Variants in CCSER1 observed in about 807,000 individuals in gnomAD.
The protein encoded by CCSER1 is coiled-coil serine rich protein 1, also known as serine-rich coiled-coil domain-containing protein 1.
Under a neutral mutation model 82.0 loss-of-function variants are expected in CCSER1, and 41 were observed. The ratio of observed to expected loss-of-function variants is 0.50; its 90% CI spans 0.39 to 0.65. CCSER1 has a LOEUF of 0.65. Ranked by LOEUF, CCSER1 falls within the 30% of genes least tolerant of loss-of-function variation. CCSER1 has a pLI of 0.00. For missense variants in CCSER1, 1,119 were observed against 1,064.2 expected, an observed-to-expected ratio of 1.05 and a Z score of -0.72; for synonymous variants, 414 against 383.9, an observed-to-expected ratio of 1.08 and a Z score of -0.92.
intron 9 of CCSER1, among the ~76,000 whole-genome samples, chr4:91,060,998 A>C (rs1743903072): frequency 1.3e-5 from 2 of 152,080 alleles, no homozygotes; most frequent in South Asian, 4.1e-4. Context: ...CTTCTACACA[A>C]AAAATAATAC....
chr4:91,323,519 G>A (rs886186271), intron 10 of CCSER1, among the ~76,000 whole-genome samples: 2 of 152,024 alleles, frequency 1.3e-5, no homozygotes, highest in East Asian at 3.9e-4. Context: ...TGTACATAAT[G>A]ACATAAATAG....
intron 5 of CCSER1, among the ~76,000 whole-genome samples, chr4:90,521,419 C>A (rs1773115841): frequency 6.6e-6 from 1 of 152,072 alleles, no homozygotes; most frequent in African/African-American, 2.4e-5. Flanking sequence ...GGGAATTTGG[C>A]ACAATTCATG....
intron 1 of CCSER1, among the ~76,000 whole-genome samples, chr4:90,299,339 A>G (rs1454558520): frequency 6.6e-6 from 1 of 152,134 alleles, no homozygotes; most frequent in East Asian, 1.9e-4. Context: ...TGACCCAAAG[A>G]CTGACATTTC....
At chr4:90,557,314 T>G (rs1778256994) in intron 5 of CCSER1, among the ~76,000 whole-genome samples, 1 of 152,070 alleles carries the variant, frequency 6.6e-6, no homozygotes, top group Non-Finnish European at 1.5e-5. Flanking sequence ...ACAGCAAAGA[T>G]TTTTGTAAAT....
intron 7 of CCSER1, among the ~76,000 whole-genome samples, chr4:90,751,576 A>G (rs1192219655): frequency 1.3e-5 from 2 of 152,148 alleles, no homozygotes; most frequent in East Asian, 3.9e-4. Context: ...GATTAATTGT[A>G]GTTAATAGGA....
intron 1 of CCSER1, among the ~76,000 whole-genome samples, chr4:90,201,364 T>C (rs572268083): frequency 2.0e-5 from 3 of 152,124 alleles, no homozygotes; most frequent in East Asian, 3.9e-4. Context: ...AGCAAAGATA[T>C]TATAAAATTA....
At chr4:90,391,273 AAAAAAAAAAAAAAG>A (rs1208440931) in intron 3 of CCSER1, among the ~76,000 whole-genome samples, 3 of 96,994 alleles carry the variant, frequency 3.1e-5, no homozygotes, top group African/African-American at 6.1e-5. Context: ...ACTCTGTCTC[AAAAAAAAAAAAAAG>A]AAAAAAAAAG....
intron 10 of CCSER1, among the ~76,000 whole-genome samples, chr4:91,566,651 T>A (rs1762896252): frequency 6.6e-6 from 1 of 152,178 alleles, no homozygotes; most frequent in Non-Finnish European, 1.5e-5. Flanking sequence ...ATCCATCTCT[T>A]CTAGATTTTC....
At chr4:91,206,144 A>T (rs1255424172) in intron 10 of CCSER1, among the ~76,000 whole-genome samples, 1 of 151,922 alleles carries the variant, frequency 6.6e-6, no homozygotes, top group Non-Finnish European at 1.5e-5. Context: ...TGGAATGAAG[A>T]GAGAGCATTG....
At chr4:90,656,349 T>C (rs1729702768) in intron 6 of CCSER1, among the ~76,000 whole-genome samples, 2 of 151,460 alleles carry the variant, frequency 1.3e-5, no homozygotes. Flanking sequence ...TCTGTCAATT[T>C]TTTAATATAT....
intron 10 of CCSER1, among the ~76,000 whole-genome samples, chr4:91,293,811 T>C (rs547538941): frequency 6.6e-6 from 1 of 152,088 alleles, no homozygotes; most frequent in African/African-American, 2.4e-5. Context: ...TTAAAAAGAA[T>C]AGCAAAAGAT....
intron 8 of CCSER1, among the ~76,000 whole-genome samples, chr4:90,910,208 C>T (rs1198305922): frequency 2.0e-5 from 3 of 152,156 alleles, no homozygotes; most frequent in South Asian, 2.1e-4. Context: ...AAATCTGCCT[C>T]CATGATTTAA....
intron 5 of CCSER1, among the ~76,000 whole-genome samples, chr4:90,571,954 T>C (rs1780169367): frequency 6.6e-6 from 1 of 152,184 alleles, no homozygotes; most frequent in Admixed American, 6.5e-5. Context: ...TGAATTTGTG[T>C]ACTTACTTGT....
chr4:91,482,714 G>A (rs1212105695), intron 10 of CCSER1, among the ~76,000 whole-genome samples: 3 of 152,042 alleles, frequency 2.0e-5, no homozygotes, highest in African/African-American at 7.2e-5. Flanking sequence ...TCAATGATAG[G>A]CTAGATTAAG....
intron 7 of CCSER1, among the ~76,000 whole-genome samples, chr4:90,728,351 T>G (rs1744060483): frequency 6.6e-6 from 1 of 151,734 alleles, no homozygotes; most frequent in Non-Finnish European, 1.5e-5. Context: ...TCTCCTTAAA[T>G]CAGCCAGGGC....
At chr4:91,463,899 G>A (rs1413329872) in intron 10 of CCSER1, among the ~76,000 whole-genome samples, 2 of 152,182 alleles carry the variant, frequency 1.3e-5, no homozygotes, top group African/African-American at 4.8e-5. Context: ...GAAAGTAACA[G>A]GGAGAATGGA....
intron 3 of CCSER1, among the ~76,000 whole-genome samples, chr4:90,358,221 G>A (rs1356808296): frequency 1.3e-5 from 2 of 151,740 alleles, no homozygotes; most frequent in Non-Finnish European, 2.9e-5. Context: ...TTAAACTTTT[G>A]TCTAGTACAC....
intron 1 of CCSER1, among the ~76,000 whole-genome samples, chr4:90,242,211 G>A (rs1223374696): frequency 9.9e-5 from 15 of 152,204 alleles, no homozygotes; most frequent in Non-Finnish European, 1.5e-5. Flanking sequence ...GGAGGTTGAG[G>A]CAGGAGAATC....
chr4:90,936,474 G>A lies in CCSER1; in HGVS notation c.2172+13027G>A, dbSNP rs116058773. 1.0e-3 allele frequency among the ~76,000 whole-genome samples: 152 copies of A among 151,966 alleles called. 1 individual carries two copies. The highest frequency in any genetic ancestry group is 3.6e-3 in the African/African-American group (150 of 41,510). On this transcript the variant is annotated intron_variant, in intron 9 of 10. Transcript: ENST00000509176. ...GCTTAAAATGACACAGATGGATTAA[G>A]TTTTTTTTGTCCACTTCACATCACA...
Sources: gnomAD v4.1 joint callset for allele counts (sites outside exome capture counted in the v4.1 genomes callset) on GRCh38, gnomAD v4.1.1 for gene constraint, MANE v1.5 for transcripts, NCBI Gene and HGNC (gene_info 2026-07-23, HGNC 2026-07-21) for gene names.